ADGRB1: variants seen among roughly 807,000 people sequenced by gnomAD.
ADGRB1 encodes brain-specific angiogenesis inhibitor 1.
Under a neutral mutation model 175.7 loss-of-function variants are expected in ADGRB1, and 36 were observed. The observed-to-expected ratio is 0.20, with a 90% CI of 0.16 to 0.27. The LOEUF is 0.27. Ranked by LOEUF, ADGRB1 falls within the 10% of genes least tolerant of loss-of-function variation. The pLI is 1.00. For missense variants in ADGRB1, 1,731 were observed against 2,255.3 expected (o/e 0.77, Z 4.71); for synonymous variants, 1,054 against 979.4 (o/e 1.08, Z -1.42).
intron 9 of ADGRB1, among the ~76,000 whole-genome samples, chr8:142,480,976 G>A (rs139150220): frequency 1.0e-4 from 11 of 105,352 alleles, no homozygotes; most frequent in Non-Finnish European, 2.1e-4. Flanking sequence ...GAACTCTGAA[G>A]GCCCTGCTCG....
At chr8:142,507,606 C>G (rs77753634) in intron 17 of ADGRB1, among the ~76,000 whole-genome samples, 3,173 of 152,346 alleles carry the variant, frequency 0.021, 80 homozygotes, top group African/African-American at 0.054. Flanking sequence ...GGCCTTCTCC[C>G]AGGCAGTGGT....
At chr8:142,501,697 G>A (rs1587358038) in intron 17 of ADGRB1, among the ~76,000 whole-genome samples, 3 of 123,832 alleles carry the variant, frequency 2.4e-5, no homozygotes, top group Non-Finnish European at 1.7e-5. Flanking sequence ...CGATGGAGGT[G>A]GGGTGGTGGT....
chr8:142,487,933 T>C (rs980634795), intron 13 of ADGRB1, among the ~76,000 whole-genome samples: 3 of 152,118 alleles, frequency 2.0e-5, no homozygotes, highest in Admixed American at 1.3e-4. Flanking sequence ...CGGGATCAGC[T>C]CACAGAGCTG....
intron 1 of ADGRB1, among the ~76,000 whole-genome samples, chr8:142,460,852 A>T (rs1329655482): frequency 1.3e-5 from 2 of 152,078 alleles, no homozygotes; most frequent in East Asian, 3.9e-4. Flanking sequence ...CCTGGCCCTC[A>T]TGCCACTCCC....
Position 142,543,852 on chromosome 8 carries a change from G to A in ADGRB1, c.4557+144G>A, listed in dbSNP as rs1587457971. 3.3e-6 allele frequency: 3 copies of A among 917,308 alleles called. No individual in the cohort carries two copies. Among genetic ancestry groups the A allele is most frequent in the East Asian group, 2.6e-5 (1 of 37,822 alleles). The allele number at this position is 917,308 out of a possible 1,614,324, so 56.8% of individuals were successfully genotyped here. A position where few individuals can be genotyped will look rare whatever the true frequency, so the allele number is the denominator to read the frequency against. On this transcript the variant is annotated intron_variant, in intron 30 of 30. Coordinates refer to ENST00000517894, the MANE Select transcript of ADGRB1 (RefSeq NM_001702.3). The surrounding 1 kb of genome is among the most constrained non-coding windows in gnomAD (Gnocchi z 4.4). ...CATTCATTCATTCGCCCATCCCTGA[G>A]GGCTGGCCTGACCCTGCCATGCCAG...
chr8:142,481,475 T>A, intron 10 of ADGRB1, 42 bp from the exon 11 acceptor site: 2 of 1,577,236 alleles, frequency 1.3e-6, no homozygotes, highest in Non-Finnish European at 1.7e-6. Context: ...CCTGGACATG[T>A]TCCACAGAGG....
At chr8:142,483,644 C>G (rs1233624912) in intron 11 of ADGRB1, among the ~76,000 whole-genome samples, 1 of 151,308 alleles carries the variant, frequency 6.6e-6, no homozygotes, top group Non-Finnish European at 1.5e-5. Context: ...AGCCCTGACC[C>G]TGGTCACACT....
intron 17 of ADGRB1, among the ~76,000 whole-genome samples, chr8:142,498,378 G>A (rs1194278802): frequency 1.3e-5 from 2 of 152,082 alleles, no homozygotes; most frequent in East Asian, 3.9e-4. Context: ...CTGGAGCTGG[G>A]GGCTTCCACA....
rs576684175 is a variant in ADGRB1, at chr8:142,543,730, G to A, written c.4557+22G>A. 2.6e-5 allele frequency: 40 copies of A among 1,536,110 alleles called. 1 individual carries two copies. The African/African-American group carries it at 3.7e-4, about 14-fold the overall frequency. On this transcript the variant is annotated intron_variant, in intron 30 of 30. Coordinates refer to ENST00000517894, the MANE Select transcript of ADGRB1 (RefSeq NM_001702.3). This position sits in a 1 kb window ranked among gnomAD's most constrained non-coding sequence, Gnocchi z 4.4. ...CAAGGTCTGGAGGGCAGGGAGGGGC[G>A]GGGTGGGGAGAGCCCTTAGGTCAGG...
rs896293227 is a variant in ADGRB1 at position 142,493,881 on chromosome 8, A to T, written c.2675+3066A>T. Among the ~76,000 whole-genome samples, 2 of 151,754 alleles carry T rather than the reference A, an allele frequency of 1.3e-5. No individual in the cohort carries two copies. The highest frequency in any genetic ancestry group is 6.6e-5 in the Admixed American group (1 of 15,244). On this transcript the variant is annotated intron_variant, in intron 17 of 30. Coordinates refer to ENST00000517894, the MANE Select transcript of ADGRB1 (RefSeq NM_001702.3). This position sits in a 1 kb window ranked among gnomAD's most constrained non-coding sequence, Gnocchi z 5.0. ...ACCTCCCTTGACTGCTGCAGGGGCC[A>T]CTCCTCGCCCTGTGAACTGTCTCCG...
chr8:142,502,411 G>GTGGTGA (rs1842643230), intron 17 of ADGRB1, among the ~76,000 whole-genome samples: 2 of 140,934 alleles, frequency 1.4e-5, no homozygotes, highest in African/African-American at 2.8e-5. Flanking sequence ...GGTGGTGGTG[G>GTGGTGA]TGGTGGTGAT....
rs1839248896 is a variant in ADGRB1, at chr8:142,450,123, G to A, written c.-220+19G>A. ...GGGGAAGGTAAGGAAGGCTCCGGCG[G>A]GGGGCTGGGGGCGCGGCGGGTGGGG... On this transcript the variant is annotated intron_variant, in intron 1 of 30. Transcript: ENST00000517894. 1 of 149,442 alleles carries A rather than the reference G, an allele frequency of 6.7e-6. No individual in the cohort carries two copies. The highest frequency in any genetic ancestry group is 2.4e-5 in the African/African-American group (1 of 40,818). The allele number at this position is 149,442 out of a possible 1,614,324, so 9.3% of individuals were successfully genotyped here. A position where few individuals can be genotyped will look rare whatever the true frequency, so the allele number is the denominator to read the frequency against.
chr8:142,452,791 G>A (rs1450175393), intron 1 of ADGRB1, among the ~76,000 whole-genome samples: 1 of 151,892 alleles, frequency 6.6e-6, no homozygotes, highest in Non-Finnish European at 1.5e-5. Context: ...CCCCGCCTCC[G>A]GGAGTGGGTC....
chr8:142,515,270 G>A (rs1417434008), intron 18 of ADGRB1, among the ~76,000 whole-genome samples: 1 of 152,224 alleles, frequency 6.6e-6, no homozygotes, highest in African/African-American at 2.4e-5. Flanking sequence ...TCCGGCAGGG[G>A]CCCGGCCTGG....
intron 2 of ADGRB1, among the ~76,000 whole-genome samples, chr8:142,469,416 AGT>A (rs745956635): frequency 2.4e-4 from 29 of 118,844 alleles, no homozygotes; most frequent in East Asian, 1.8e-3. Flanking sequence ...TGTGAATGTG[AGT>A]GTGTGCACGT....
chr8:142,511,671 G>A lies in ADGRB1; in HGVS notation c.2817+598G>A, dbSNP rs1033657456. Among the ~76,000 whole-genome samples, 3 of 152,102 alleles carry A rather than the reference G, an allele frequency of 2.0e-5. No homozygotes were observed. The highest frequency in any genetic ancestry group is 4.4e-5 in the Non-Finnish European group (3 of 68,000). Reference sequence around the variant, plus strand: ...GGGGGCTGCCGGTTTCTATGGAGACGGCATCTGGGGTCAGCCGCTGGCAGG... The same window carrying A: ...GGGGGCTGCCGGTTTCTATGGAGACAGCATCTGGGGTCAGCCGCTGGCAGG... On this transcript the variant is annotated intron_variant, in intron 18 of 30. Transcript: ENST00000517894. The surrounding 1 kb of genome is among the most constrained non-coding windows in gnomAD (Gnocchi z 4.5).
chr8:142,514,367 G>A (rs539334497), intron 18 of ADGRB1, among the ~76,000 whole-genome samples: 9 of 152,276 alleles, frequency 5.9e-5, no homozygotes, highest in Non-Finnish European at 1.2e-4. Flanking sequence ...TGCGGGCTGC[G>A]CAGATGCCGG....
intron 2 of ADGRB1, among the ~76,000 whole-genome samples, chr8:142,465,581 T>C (rs1164875080): frequency 1.3e-5 from 2 of 151,812 alleles, no homozygotes. Context: ...GGGCCACGGC[T>C]GCAGCAGTGA....
At chr8:142,539,821 G>T in intron 27 of ADGRB1, 1 of 251,982 alleles carries the variant, frequency 4.0e-6, no homozygotes, top group Non-Finnish European at 7.7e-6. Flanking sequence ...TCTAGCACCT[G>T]TGTTCTGTGC....
Sources: allele counts gnomAD v4.1 joint callset (sites outside exome capture counted in the v4.1 genomes callset), GRCh38; gene constraint gnomAD v4.1.1; non-coding constraint Gnocchi (gnomAD v3.1); transcripts MANE v1.5; gene names NCBI Gene and HGNC (gene_info 2026-07-23, HGNC 2026-07-21).